Variants in NLGN1 observed in about 807,000 individuals in gnomAD.
NLGN1 encodes neuroligin 1.
In NLGN1, 12 loss-of-function variants were observed where a neutral mutation model predicts 65.5. The ratio of observed to expected loss-of-function variants is 0.18; its 90% CI spans 0.12 to 0.30. The LOEUF (loss-of-function observed/expected upper bound fraction) is 0.30, where lower values mean the gene tolerates loss of function less well. Among genes scored for constraint, NLGN1 ranks in the 10% least tolerant of loss-of-function variants. The probability of loss-of-function intolerance (pLI) is 1.00; values close to 1 mark genes in which losing one functional copy is unlikely to be tolerated. For missense variants in NLGN1, 750 were observed against 1,007.1 expected, an observed-to-expected ratio of 0.74 and a Z score of 3.46; for synonymous variants, 350 against 359.5, an observed-to-expected ratio of 0.97 and a Z score of 0.30.
At chr3:173,730,574 T>C (rs765914587) in intron 3 of NLGN1, among the ~76,000 whole-genome samples, 11 of 152,214 alleles carry the variant, frequency 7.2e-5, no homozygotes, top group South Asian at 2.1e-4. Context: ...TTCAGGTTGC[T>C]CAATAGCTGC....
At chr3:173,829,572 TTGTGTG>T (rs753331278) in intron 4 of NLGN1, among the ~76,000 whole-genome samples, 1 of 100,808 alleles carries the variant, frequency 9.9e-6, no homozygotes, top group East Asian at 3.2e-4. Context: ...GTGTGTGTGT[TTGTGTG>T]TGTGTGTGTG....
At chr3:173,702,055 C>T (rs946797309) in intron 3 of NLGN1, among the ~76,000 whole-genome samples, 61 of 147,888 alleles carry the variant, frequency 4.1e-4, no homozygotes, top group African/African-American at 1.3e-3. Context: ...CCGGCTAAAA[C>T]GGTGAAACCC....
At chr3:173,777,242 A>G (rs1780435550) in intron 3 of NLGN1, among the ~76,000 whole-genome samples, 1 of 151,946 alleles carries the variant, frequency 6.6e-6, no homozygotes, top group African/African-American at 2.4e-5. Context: ...TAGCTTTACT[A>G]GTTTATATTA....
At chr3:173,415,904 T>TAGAGAG (rs1553844214) in intron 1 of NLGN1, among the ~76,000 whole-genome samples, 8 of 125,456 alleles carry the variant, frequency 6.4e-5, no homozygotes, top group African/African-American at 2.6e-4. Flanking sequence ...TATATATATA[T>TAGAGAG]AGAGAGAGAG....
chr3:173,452,071 C>T (rs1721661588), intron 2 of NLGN1, among the ~76,000 whole-genome samples: 1 of 152,226 alleles, frequency 6.6e-6, no homozygotes, highest in South Asian at 2.1e-4. Context: ...CTGTCCTGCA[C>T]CCACTGTCTG....
rs144997454 is a variant in NLGN1, at chr3:173,595,319, A to G, written c.-320-8960A>G. Among the ~76,000 whole-genome samples the G allele has an allele frequency of 1.1e-4, 17 of 152,188 alleles. No individual in the cohort carries two copies. In the East Asian group the frequency reaches 2.5e-3, roughly 22 times the overall value. On this transcript the variant is annotated intron_variant, in intron 2 of 6. Transcript: ENST00000457714. ...CCTAAATCATCCCTCTCAAGTTCAAAATTCCACACATCTCCAGGGCAGAAG... is the reference window on the plus strand; with the variant it reads ...CCTAAATCATCCCTCTCAAGTTCAAGATTCCACACATCTCCAGGGCAGAAG...
At chr3:173,467,895 G>T (rs1724642492) in intron 2 of NLGN1, among the ~76,000 whole-genome samples, 2 of 152,134 alleles carry the variant, frequency 1.3e-5, no homozygotes, top group Admixed American at 1.3e-4. Flanking sequence ...GTTTAGTGGT[G>T]ACCACAGGCA....
At chr3:174,106,710 T>C (rs988618212) in intron 4 of NLGN1, among the ~76,000 whole-genome samples, 5 of 151,968 alleles carry the variant, frequency 3.3e-5, no homozygotes, top group African/African-American at 1.2e-4. Flanking sequence ...ATGGAGGCTA[T>C]GAACTTCCAC....
intron 3 of NLGN1, among the ~76,000 whole-genome samples, chr3:173,681,874 G>A (rs1355489194): frequency 6.6e-6 from 1 of 152,120 alleles, no homozygotes; most frequent in East Asian, 1.9e-4. Context: ...TTCTGTTGAT[G>A]GTTTGGGGAA....
intron 3 of NLGN1, among the ~76,000 whole-genome samples, chr3:173,625,974 T>A (rs992200476): frequency 1.3e-5 from 2 of 152,092 alleles, no homozygotes; most frequent in Non-Finnish European, 2.9e-5. Flanking sequence ...AATACAGCTT[T>A]GGTAATTGAG....
At chr3:173,825,692 A>G (rs2150560883) in intron 4 of NLGN1, among the ~76,000 whole-genome samples, 1 of 152,144 alleles carries the variant, frequency 6.6e-6, no homozygotes, top group Admixed American at 6.6e-5. Context: ...ATCTGAAAGG[A>G]TTAGATCTAA....
At chr3:173,794,536 T>C (rs769056155) in intron 3 of NLGN1, among the ~76,000 whole-genome samples, 1 of 152,110 alleles carries the variant, frequency 6.6e-6, no homozygotes, top group Non-Finnish European at 1.5e-5. Context: ...TGGATAATAC[T>C]TGGAAAGTCA....
intron 3 of NLGN1, among the ~76,000 whole-genome samples, chr3:173,765,052 A>ATGTGTGTGTG (rs55747253): frequency 1.5e-5 from 2 of 136,186 alleles, no homozygotes; most frequent in African/African-American, 5.4e-5. Flanking sequence ...CTGTGGGTGC[A>ATGTGTGTGTG]TGTGTGTGTG....
At chr3:173,422,052 CAAAT>C (rs561497773) in intron 1 of NLGN1, among the ~76,000 whole-genome samples, 4 of 150,120 alleles carry the variant, frequency 2.7e-5, no homozygotes, top group South Asian at 2.1e-4. Flanking sequence ...TTATCTCAAA[CAAAT>C]AAACTCAAAC....
At chr3:174,228,931 A>G (rs1740206801) in intron 4 of NLGN1, among the ~76,000 whole-genome samples, 4 of 152,108 alleles carry the variant, frequency 2.6e-5, no homozygotes, top group Non-Finnish European at 4.4e-5. Context: ...AGGCTACAGT[A>G]TCATATTCCC....
chr3:174,134,458 T>A (rs1720827255), intron 4 of NLGN1, among the ~76,000 whole-genome samples: 1 of 152,210 alleles, frequency 6.6e-6, no homozygotes, highest in Admixed American at 6.5e-5. Context: ...AAATTATATC[T>A]GCATTTAACA....
At chr3:173,600,776 A>T (rs955495108) in intron 2 of NLGN1, among the ~76,000 whole-genome samples, 1 of 151,492 alleles carries the variant, frequency 6.6e-6, no homozygotes, top group Non-Finnish European at 1.5e-5. Context: ...GGGAGTAATG[A>T]GTAGATTGTT....
At chr3:173,533,225 T>C (rs901807907) in intron 2 of NLGN1, among the ~76,000 whole-genome samples, 2 of 152,222 alleles carry the variant, frequency 1.3e-5, no homozygotes, top group African/African-American at 2.4e-5. Context: ...ATTAAATCTG[T>C]ATTAGAAAAT....
Position 173,616,002 on chromosome 3 carries a change from G to C in NLGN1, c.493+10911G>C, listed in dbSNP as rs9827963. The stretch of plus-strand genomic sequence containing the variant: ...GCCCTCAAAGAGTTCACTGTCTTGT[G>C]GGGGAGGCAGATACAGAAAGAGAAA... On this transcript the variant is annotated intron_variant, in intron 3 of 6. Coordinates refer to ENST00000457714, the Ensembl canonical transcript of NLGN1. 4.5e-3 allele frequency among the ~76,000 whole-genome samples: 689 copies of C among 152,166 alleles called. 7 individuals carry two copies. Among genetic ancestry groups the C allele is most frequent in the African/African-American group, 0.016 (661 of 41,540 alleles).
Sources: allele counts gnomAD v4.1 joint callset (sites outside exome capture counted in the v4.1 genomes callset), GRCh38; gene constraint gnomAD v4.1.1; transcripts MANE v1.5; gene names NCBI Gene and HGNC (gene_info 2026-07-23, HGNC 2026-07-21).